Variants in MUC6 observed in about 807,000 individuals in gnomAD.
MUC6 encodes mucin 6, oligomeric mucus/gel-forming (gene/pseudogene).
A neutral mutation model predicts 201.5 loss-of-function variants in MUC6; 188 were observed. The ratio of observed to expected loss-of-function variants is 0.93; its 90% CI spans 0.83 to 1.05. MUC6 has a LOEUF of 1.05. Ranked by LOEUF, MUC6 falls within the 50% of genes least tolerant of loss-of-function variation. The pLI, the probability that MUC6 is intolerant of heterozygous loss-of-function variation, is 0.00. For synonymous variants in MUC6, 1,228 were observed against 1,389.4 expected (o/e 0.88, Z 2.58); for missense variants, 2,706 against 3,256.9 (o/e 0.83, Z 4.12).
Position 1,023,360 on chromosome 11 carries a change from GTGAA to G in MUC6, c.3526+145_3526+148del, listed in dbSNP as rs199669723. ...TGAATGTGAATGTGCGTGAGTGTGT[GTGAA>G]TGAATGTGTGCAAATTAATGAATGT... On this transcript the variant is annotated intron_variant, in intron 26 of 32. Coordinates refer to ENST00000421673, the MANE Select transcript of MUC6 (RefSeq NM_005961.3). The G allele has an allele frequency of 5.0e-3, 5,143 of 1,023,796 alleles. 186 individuals are homozygous for G. In the African/African-American group the frequency reaches 0.07, roughly 14 times the overall value. The allele number at this position is 1,023,796 out of a possible 1,614,324, so 63.4% of individuals were successfully genotyped here. A position where few individuals can be genotyped will look rare whatever the true frequency, so the allele number is the denominator to read the frequency against.
chr11:1,032,877 A>C (rs762076839), intron 2 of MUC6, 136 bp downstream of exon 2: 24 of 673,292 alleles, frequency 3.6e-5, no homozygotes, highest in Non-Finnish European at 5.7e-5. Context: ...GTGTATGTGC[A>C]TGTGTGTTCA....
At chr11:1,019,784 A>C (rs1460982439) in intron 29 of MUC6, 1 of 618,856 alleles carries the variant, frequency 1.6e-6, no homozygotes, top group Admixed American at 2.9e-5. Flanking sequence ...GTCCCTGGGC[A>C]GCAGATGGGG....
chr11:1,025,918 G>A lies in MUC6; in HGVS notation c.2689-3C>T, dbSNP rs1160263328. 1 of 1,607,982 alleles carries A rather than the reference G, an allele frequency of 6.2e-7. No individual in the cohort carries two copies. Among genetic ancestry groups the A allele is most frequent in the East Asian group, 2.2e-5 (1 of 44,634 alleles). On this transcript the variant is annotated splice_region_variant and splice_polypyrimidine_tract_variant and intron_variant, in intron 21 of 32. Coordinates refer to ENST00000421673, the MANE Select transcript of MUC6 (RefSeq NM_005961.3). Reference sequence around the variant, plus strand: ...GAGTCGTTGACACCACAGACGTCCTGCAGGGAGAGGGCGCTGAGGAGGAGC... The same window carrying A: ...GAGTCGTTGACACCACAGACGTCCTACAGGGAGAGGGCGCTGAGGAGGAGC...
rs752727832 is a variant in MUC6, at chr11:1,026,492, G to C, written c.2395-14C>G. On this transcript the variant is annotated splice_polypyrimidine_tract_variant and intron_variant, in intron 19 of 32. Coordinates refer to ENST00000421673, the MANE Select transcript of MUC6 (RefSeq NM_005961.3). ...CTTGGTGGGCACCTGGAGGGAGGCA[G>C]GTCAGCAGCTCCTGGGAGGGTGGCC... The C allele has an allele frequency of 7.3e-5, 114 of 1,569,348 alleles. No homozygotes were observed. Among genetic ancestry groups the C allele is most frequent in the Non-Finnish European group, 9.5e-5 (110 of 1,159,014 alleles).
chr11:1,019,423 C>A lies in MUC6; in HGVS notation c.3882G>T (p.Ser1294=). 6.2e-7 allele frequency: 1 copy of A among 1,613,628 alleles called. No homozygotes were observed. The highest frequency in any genetic ancestry group is 8.5e-7 in the Non-Finnish European group (1 of 1,179,826). ...SGLPPTATLR[S]TATKPTVTQA... is the part of the protein sequence containing the mutation. ...GGGTCACTGTGGGTTTTGTGGCTGT[C>A]GATCTCAGTGTGGCTGTGGGAGGCA... The change falls in exon 30 of 33, where the codon TCG becomes TCT. Residue 1294 remains serine, a synonymous_variant. Transcript: ENST00000421673.
In MUC6 at chr11:1,016,925, C is replaced by T. The variant is rs1192248780; in HGVS notation, c.5876G>A (p.Ser1959Asn). ...GGTGAAGGGTGTGGGTAGCCTGCTG[C>T]TGCTGGCCGAGGTGGTGTGGGCCAC... The part of the protein sequence containing the change: ...TPVAHTTSAS[S>N]SRLPTPFTTH... The change falls in exon 31 of 33, where the codon AGC becomes AAC. Residue 1959 changes from serine (S) to asparagine (N), a missense_variant. This residue lies in a region of MUC6 where 20 missense variants were observed against 128.3 expected (regional missense o/e 0.16). Coordinates refer to ENST00000421673, the MANE Select transcript of MUC6 (RefSeq NM_005961.3). The T allele has an allele frequency of 3.1e-6, 5 of 1,613,930 alleles. No individual in the cohort carries two copies. In the African/African-American group the frequency reaches 6.7e-5, roughly 22 times the overall value.
rs375258535 is a variant in MUC6 at position 1,025,835 on chromosome 11, T to G, written c.2769A>C (p.Thr923=). Residue 923 remains threonine (T), a synonymous_variant, in exon 22 of 33, where the codon ACA becomes ACC. Transcript: ENST00000421673. ...ENVICGNSGV[T]CSRAIKIFLG... ...GGAAGATCTTGATGGCCCGTGAGCA[T>G]GTGACCCCGGAGTTCCCACAGATGA... 6 of 1,612,758 alleles carry G rather than the reference T, an allele frequency of 3.7e-6. No homozygotes were observed. Among genetic ancestry groups the G allele is most frequent in the Non-Finnish European group, 5.1e-6 (6 of 1,179,758 alleles).
chr11:1,021,367 G>GA, intron 26 of MUC6, 90 bp from the exon 27 acceptor site: 1 of 605,816 alleles, frequency 1.7e-6, no homozygotes, highest in Non-Finnish European at 2.5e-6. Flanking sequence ...CTTCCTCTCT[G>GA]CTTTTTTTTT....
rs754312883 is a variant in MUC6 at position 1,018,492 on chromosome 11, A to G, written c.4309T>C (p.Ser1437Pro). The G allele has an allele frequency of 5.0e-6, 8 of 1,613,724 alleles. No individual in the cohort carries two copies. In the East Asian group the frequency reaches 8.9e-5, roughly 18 times the overall value. Reference sequence around the variant, plus strand: ...GTGGGAAGTGTGGTCTCAGGGTGTGATGGGGTTGGATAGGTAGTGGTGGCA... The same window carrying G: ...GTGGGAAGTGTGGTCTCAGGGTGTGGTGGGGTTGGATAGGTAGTGGTGGCA... ...FHATTTYPTP[S>P]HPETTLPTHV... The change falls in exon 31 of 33, where the codon TCA (serine) becomes CCA (proline). Residue 1437 changes from serine to proline, a missense_variant. By Grantham distance (74) the Ser-to-Pro change is moderately conservative. Transcript: ENST00000421673.
In MUC6 at chr11:1,020,089, C is replaced by T; in HGVS notation, c.3808+1G>A. 2 of 1,613,354 alleles carry T rather than the reference C, an allele frequency of 1.2e-6. No homozygotes were observed. Among genetic ancestry groups the T allele is most frequent in the Non-Finnish European group, 8.5e-7 (1 of 1,179,802 alleles). On this transcript the variant is annotated splice_donor_variant, in intron 29 of 32. Coordinates refer to ENST00000421673, the MANE Select transcript of MUC6 (RefSeq NM_005961.3). LOFTEE classifies it high-confidence loss of function. ...CATGGGCTCAGCTGGAGGCTCCTTA[C>T]CTCCCGAGGAGGCTGTGGGCTTGGA...
chr11:1,029,570 A>G lies in MUC6; in HGVS notation c.1061T>C (p.Val354Ala). 2 of 1,610,032 alleles carry G rather than the reference A, an allele frequency of 1.2e-6. No homozygotes were observed. The highest frequency in any genetic ancestry group is 2.2e-5 in the East Asian group (1 of 44,810). ...DLSNNHTCVP[V>A]TQCPCVLHGA... ...GTGGAGCACACAGGGGCACTGGGTG[A>G]CGGGCACGCAGGTGTGGTTATTGGA... Residue 354 changes from valine to alanine, a missense_variant, in exon 9 of 33, where the codon GTC becomes GCC. By Grantham distance (64) the Val-to-Ala change is moderately conservative. Around this residue, in one of 10 missense-constraint regions of MUC6, gnomAD observed 1,850 missense variants for 1,958.3 expected, o/e 0.94. Coordinates refer to ENST00000421673, the MANE Select transcript of MUC6 (RefSeq NM_005961.3).
rs996137618 is a variant in MUC6, at chr11:1,016,271, G to A, written c.6530C>T (p.Ser2177Leu). The change falls in exon 31 of 33, where the codon TCG becomes TTG. Residue 2177 changes from serine to leucine, a missense_variant. Physicochemically the swap from Ser to Leu is moderately radical, Grantham distance 145 (BLOSUM62 -2). Around this residue, in one of 10 missense-constraint regions of MUC6, gnomAD observed 586 missense variants for 488.0 expected, o/e 1.20. Coordinates refer to ENST00000421673, the MANE Select transcript of MUC6 (RefSeq NM_005961.3). Reference protein sequence around the residue: ...SAPVHSTTLSSGSHSSLSTHP... With the variant: ...SAPVHSTTLSLGSHSSLSTHP... ...AGTGGACAATGAGGAGTGTGACCCC[G>A]AGCTCAGGGTTGTGGAGTGCACGGG... 9.3e-6 allele frequency: 15 copies of A among 1,612,930 alleles called. No homozygotes were observed. The highest frequency in any genetic ancestry group is 4.5e-5 in the East Asian group (2 of 44,882).
In MUC6 at chr11:1,018,144, G is replaced by A. The variant is rs12807084; in HGVS notation, c.4657C>T (p.Arg1553Cys). 6.3e-6 allele frequency: 9 copies of A among 1,420,040 alleles called. No homozygotes were observed. The highest frequency in any genetic ancestry group is 1.9e-4 in the Middle Eastern group (1 of 5,366). The allele number at this position is 1,420,040 out of a possible 1,614,324, so 88.0% of individuals were successfully genotyped here. A position where few individuals can be genotyped will look rare whatever the true frequency, so the allele number is the denominator to read the frequency against. ...GTGTGGGCCACAGGGGTTCTGGTGC[G>A]TGTACTAGTGGGGTTGGGAGTAATC... ...TTITPNPTST[R>C]TRTPVAHTNS... The change falls in exon 31 of 33, where the codon CGC becomes TGC. Residue 1553 changes from arginine to cysteine, a missense_variant. Transcript: ENST00000421673.
chr11:1,027,624 A>T, intron 16 of MUC6, 61 bp downstream of exon 16: 1 of 1,579,840 alleles, frequency 6.3e-7, no homozygotes, highest in Non-Finnish European at 8.6e-7. Flanking sequence ...TTGGGGTCCC[A>T]GGACACCCCC....
Position 1,026,995 on chromosome 11 carries a change from C to A in MUC6, c.2340G>T (p.Lys780Asn). The A allele has an allele frequency of 6.2e-7, 1 of 1,602,916 alleles. No individual in the cohort carries two copies. ...FKSCSQSSEN[K>N]FGAACAPTCQ... ...ATGTGGGGGCACAGGCTGCCCCAAACTTGTTCTCGGAGGACTGGCTGCAGG... is the reference window on the plus strand; with the variant it reads ...ATGTGGGGGCACAGGCTGCCCCAAAATTGTTCTCGGAGGACTGGCTGCAGG... Residue 780 changes from lysine (K) to asparagine (N), a missense_variant, in exon 19 of 33, where the codon AAG becomes AAT. This residue lies in a region of MUC6 where 1,850 missense variants were observed against 1,958.3 expected (regional missense o/e 0.94). Transcript: ENST00000421673.
chr11:1,027,798 C>T lies in MUC6; in HGVS notation c.1868G>A (p.Cys623Tyr). The T allele has an allele frequency of 1.2e-6, 2 of 1,611,034 alleles. No homozygotes were observed. Among genetic ancestry groups the T allele is most frequent in the Non-Finnish European group, 1.7e-6 (2 of 1,179,490 alleles). ...PFYKRCVYQA[C>Y]NYEETFPHIC... ...GTGGGGAAAGGTCTCCTCGTAGTTG[C>T]AGGCCTGGTACACGCACCTCTGCGG... Residue 623 changes from cysteine (C) to tyrosine (Y), a missense_variant, in exon 16 of 33, where the codon TGC becomes TAC. Coordinates refer to ENST00000421673, the MANE Select transcript of MUC6 (RefSeq NM_005961.3).
At chr11:1,014,329 C>G (rs913480875) in intron 31 of MUC6, among the ~76,000 whole-genome samples, 22 of 152,236 alleles carry the variant, frequency 1.4e-4, no homozygotes, top group African/African-American at 5.1e-4. Flanking sequence ...AACCCCAGGC[C>G]TCAACACTGA....
At position 1,018,311 on chromosome 11, in the gene MUC6, TGGGTGGA is replaced by T; in HGVS notation, c.4483_4489del (p.Ser1495ThrfsTer6). ...GGTCGGCGTTATTGGTGGGGCTGTG[TGGGTGGA>T]CCCTGTGGCCTTGAGCGTTGTTGGT... On this transcript the variant is annotated frameshift_variant, in exon 31 of 33. Transcript: ENST00000421673. LOFTEE classifies it high-confidence loss of function. 6.2e-7 allele frequency: 1 copy of T among 1,613,960 alleles called. No homozygotes were observed. The highest frequency in any genetic ancestry group is 8.5e-7 in the Non-Finnish European group (1 of 1,179,870).
At chr11:1,034,516 C>A (rs1857174841) in intron 1 of MUC6, among the ~76,000 whole-genome samples, 1 of 152,208 alleles carries the variant, frequency 6.6e-6, no homozygotes, top group African/African-American at 2.4e-5. Flanking sequence ...GCACACCGAA[C>A]CCTCAGCCAT....
Sources: allele counts gnomAD v4.1 joint callset (sites outside exome capture counted in the v4.1 genomes callset), GRCh38; gene constraint gnomAD v4.1.1; regional missense constraint gnomAD v4.1.1; transcripts MANE v1.5; gene names NCBI Gene and HGNC (gene_info 2026-07-23, HGNC 2026-07-21).